The following CRY1 variants were observed in gnomAD, a reference collection of about 807,000 sequenced individuals.
CRY1 encodes the protein cryptochrome-1.
CRY1 carries 45 observed loss-of-function variants against 76.0 expected under a neutral mutation model. That is an observed-to-expected ratio of 0.59 (90% CI 0.47 to 0.76). The LOEUF (loss-of-function observed/expected upper bound fraction) is 0.76. Ranked by LOEUF, CRY1 falls within the 30% of genes least tolerant of loss-of-function variation. The probability of loss-of-function intolerance (pLI) is 0.00; values close to 1 mark genes in which losing one functional copy is unlikely to be tolerated. For synonymous variants in CRY1, 248 were observed against 244.0 expected, an observed-to-expected ratio of 1.02 and a Z score of -0.15; for missense variants, 587 against 716.4, an observed-to-expected ratio of 0.82 and a Z score of 2.06.
intron 1 of CRY1, among the ~76,000 whole-genome samples, chr12:107,081,087 T>A (rs1225643785): frequency 6.6e-6 from 1 of 152,114 alleles, no homozygotes; most frequent in Non-Finnish European, 1.5e-5. Context: ...GAGACAGCAG[T>A]ATCTCTTCCA....
In CRY1 at chr12:106,995,746, C is replaced by T. The variant is rs1952227384; in HGVS notation, c.1585+1548G>A. Among the ~76,000 whole-genome samples the T allele has an allele frequency of 2.6e-5, 4 of 152,134 alleles. No individual in the cohort carries two copies. In the South Asian group the frequency reaches 8.3e-4, roughly 32 times the overall value. The stretch of plus-strand genomic sequence containing the variant: ...TGCCATGGGGGTTTGCTGCACAGAT[C>T]AACCCATCACCTAGGTATTAAGACC... On this transcript the variant is annotated intron_variant, in intron 10 of 12. Coordinates refer to ENST00000008527, the MANE Select transcript of CRY1 (RefSeq NM_004075.5).
At chr12:107,015,106 G>A (rs1445219327) in intron 2 of CRY1, among the ~76,000 whole-genome samples, 8 of 152,100 alleles carry the variant, frequency 5.3e-5, no homozygotes, top group Non-Finnish European at 7.4e-5. Flanking sequence ...TTGCACTCCC[G>A]ACCTTGTGAT....
chr12:107,058,777 G>T (rs911560355), intron 1 of CRY1, among the ~76,000 whole-genome samples: 1 of 152,184 alleles, frequency 6.6e-6, no homozygotes, highest in African/African-American at 2.4e-5. Flanking sequence ...AGCCAATAAA[G>T]TATTGTTGAA....
At chr12:107,029,107 T>C (rs548365046) in intron 1 of CRY1, among the ~76,000 whole-genome samples, 1 of 152,332 alleles carries the variant, frequency 6.6e-6, no homozygotes, top group Admixed American at 6.5e-5. Flanking sequence ...TCTCGTTATG[T>C]TGCCCAGGCT....
At chr12:107,000,256 T>G (rs1952291399) in intron 5 of CRY1, among the ~76,000 whole-genome samples, 174 bp from the exon 6 acceptor site, 1 of 152,146 alleles carries the variant, frequency 6.6e-6, no homozygotes. Context: ...AAGTGAGCAT[T>G]CTTTTGTTTC....
intron 2 of CRY1, among the ~76,000 whole-genome samples, chr12:107,019,538 C>T (rs1952530846): frequency 6.6e-6 from 1 of 152,110 alleles, no homozygotes; most frequent in Non-Finnish European, 1.5e-5. Flanking sequence ...CAATAATGTG[C>T]TATTTTAGGC....
At chr12:107,087,770 G>A (rs1246751083) in intron 1 of CRY1, among the ~76,000 whole-genome samples, 2 of 152,132 alleles carry the variant, frequency 1.3e-5, no homozygotes, top group Admixed American at 1.3e-4. Context: ...AAAAGAGGGT[G>A]GGCATGGTGG....
intron 1 of CRY1, among the ~76,000 whole-genome samples, chr12:107,047,228 G>A (rs557092106): frequency 4.6e-5 from 7 of 152,096 alleles, no homozygotes; most frequent in Non-Finnish European, 7.4e-5. Flanking sequence ...AACTTTTGAA[G>A]TTATACAAAT....
At chr12:107,048,121 C>T (rs543404140) in intron 1 of CRY1, among the ~76,000 whole-genome samples, 10 of 151,420 alleles carry the variant, frequency 6.6e-5, no homozygotes, top group Admixed American at 3.3e-4. Context: ...TGCTCTGTCG[C>T]CCAGGCTGGA....
chr12:107,077,037 T>C (rs1034400458), intron 1 of CRY1, among the ~76,000 whole-genome samples: 7 of 152,116 alleles, frequency 4.6e-5, no homozygotes, highest in Non-Finnish European at 8.8e-5. Context: ...CTTTTCTTTA[T>C]ATATAACTCA....
intron 3 of CRY1, among the ~76,000 whole-genome samples, chr12:107,002,230 G>A (rs191541734): frequency 1.6e-4 from 24 of 151,702 alleles, no homozygotes; most frequent in Admixed American, 1.3e-3. Flanking sequence ...ACTTATGAGA[G>A]GAAAAAACAA....
At chr12:107,016,984 C>T (rs946901753) in intron 2 of CRY1, among the ~76,000 whole-genome samples, 1 of 152,216 alleles carries the variant, frequency 6.6e-6, no homozygotes, top group African/African-American at 2.4e-5. Context: ...TCATCATCAT[C>T]TTATTCCTAA....
At position 106,991,569 on chromosome 12, in the gene CRY1, A is replaced by T. The variant is rs1952180989; in HGVS notation, c.*433T>A. On this transcript the variant is annotated 3_prime_UTR_variant, in exon 13 of 13. Transcript: ENST00000008527. The stretch of plus-strand genomic sequence containing the variant: ...ACATTATCTAAAACATTATTATCAA[A>T]GAGTGCAAAGTTAGATCAAACAACA... The T allele has an allele frequency of 6.6e-6, 1 of 152,646 alleles. No homozygotes were observed. The highest frequency in any genetic ancestry group is 2.1e-4 in the South Asian group (1 of 4,832). 9.5% of individuals were successfully genotyped at this position (152,646 alleles called of 1,614,324 possible).
chr12:107,084,350 C>T (rs1565847685), intron 1 of CRY1, among the ~76,000 whole-genome samples: 2 of 151,776 alleles, frequency 1.3e-5, no homozygotes. Context: ...CATATGGAAC[C>T]AAAAAAAGAG....
chr12:107,023,220 T>A (rs1233293749), intron 1 of CRY1, among the ~76,000 whole-genome samples: 1 of 152,210 alleles, frequency 6.6e-6, no homozygotes, highest in Non-Finnish European at 1.5e-5. Context: ...CAATTATCTC[T>A]TACTTGTGAA....
intron 2 of CRY1, among the ~76,000 whole-genome samples, chr12:107,020,078 G>C (rs1187497233): frequency 6.6e-6 from 1 of 150,994 alleles, no homozygotes; most frequent in African/African-American, 2.4e-5. Context: ...TTTCTTGTTA[G>C]AACTCTCCCA....
Position 106,997,900 on chromosome 12 carries a change from T to A in CRY1, c.1289+15A>T, listed in dbSNP as rs369057228. 3.7e-5 allele frequency: 59 copies of A among 1,610,808 alleles called. No individual in the cohort carries two copies. Among genetic ancestry groups the A allele is most frequent in the Non-Finnish European group, 4.9e-5 (58 of 1,178,952 alleles). ...TTAACTATTCCAAACTGAGTAGTAA[T>A]CACCCTTGATTTACCTGATATAGTC... On this transcript the variant is annotated intron_variant, in intron 8 of 12. Coordinates refer to ENST00000008527, the MANE Select transcript of CRY1 (RefSeq NM_004075.5).
At chr12:107,075,720 T>C (rs1250809568) in intron 1 of CRY1, among the ~76,000 whole-genome samples, 1 of 152,038 alleles carries the variant, frequency 6.6e-6, no homozygotes, top group Non-Finnish European at 1.5e-5. Context: ...ATGGAACAGA[T>C]GGGAAAGGTA....
chr12:107,009,563 C>CATATATATATATATATATAT (rs869185018), intron 2 of CRY1, among the ~76,000 whole-genome samples: 55 of 90,870 alleles, frequency 6.1e-4, no homozygotes, highest in Non-Finnish European at 8.5e-4. Flanking sequence ...AACAAAAAAA[C>CATATATATATATATATATAT]ATATATATAT....
Sources: allele counts gnomAD v4.1 joint callset (sites outside exome capture counted in the v4.1 genomes callset), GRCh38; gene constraint gnomAD v4.1.1; transcripts MANE v1.5; gene names NCBI Gene and HGNC (gene_info 2026-07-23, HGNC 2026-07-21).